IL1RAPL1: variants seen among roughly 807,000 people sequenced by gnomAD.
IL1RAPL1 encodes the protein interleukin 1 receptor accessory protein like 1, also known as interleukin-1 receptor accessory protein-like 1.
IL1RAPL1 carries 3 observed loss-of-function variants against 48.4 expected under a neutral mutation model. The ratio of observed to expected loss-of-function variants is 0.06; its 90% CI spans 0.03 to 0.16. The LOEUF is 0.16. IL1RAPL1 is among the 10% of genes least tolerant of loss of function. The pLI is 1.00. For synonymous variants in IL1RAPL1, 185 were observed against 187.7 expected (o/e 0.99, Z 0.12); for missense variants, 349 against 530.6 (o/e 0.66, Z 3.36).
At chrX:28,597,546 G>T (rs1205773050) in intron 1 of IL1RAPL1, among the ~76,000 whole-genome samples, 1 of 110,788 alleles carries the variant, frequency 9.0e-6, no homozygotes, top group Non-Finnish European at 1.9e-5. Flanking sequence ...AGCCTGACCA[G>T]CATGGTGAAA....
intron 6 of IL1RAPL1, among the ~76,000 whole-genome samples, chrX:29,759,382 A>C (rs1366442925): frequency 1.8e-5 from 2 of 111,536 alleles, no homozygotes; most frequent in Admixed American, 1.9e-4. Context: ...TGATAGTACA[A>C]ATACTCAAAT....
intron 1 of IL1RAPL1, among the ~76,000 whole-genome samples, chrX:28,617,010 T>C (rs1934228097): frequency 8.9e-6 from 1 of 112,520 alleles, no homozygotes; most frequent in Non-Finnish European, 1.9e-5. Context: ...CAAATTTGTG[T>C]TGCTTTCCTC....
Position 29,664,733 on chromosome X carries a change from C to T in IL1RAPL1, c.704-3697C>T, listed in dbSNP as rs940037307. Reference sequence around the variant, plus strand: ...GATAGTGTTTTACTTTTTACCGTTCCATAGCTCAAGTGTAAAAGGGATGGG... The same window carrying T: ...GATAGTGTTTTACTTTTTACCGTTCTATAGCTCAAGTGTAAAAGGGATGGG... On this transcript the variant is annotated intron_variant, in intron 5 of 10. Transcript: ENST00000378993. Among the ~76,000 whole-genome samples the T allele has an allele frequency of 5.4e-5, 6 of 111,595 alleles. 1 individual carries two copies. In the Admixed American group the frequency reaches 5.7e-4, roughly 11 times the overall value.
At chrX:29,292,233 A>G (rs1189822271) in intron 3 of IL1RAPL1, among the ~76,000 whole-genome samples, 6 of 112,113 alleles carry the variant, frequency 5.4e-5, no homozygotes, top group East Asian at 5.6e-4. Flanking sequence ...ATCATTTTCC[A>G]TAAGAAAATA....
intron 2 of IL1RAPL1, among the ~76,000 whole-genome samples, chrX:28,951,413 TAA>T (rs58992212): frequency 1.3e-4 from 12 of 90,561 alleles, no homozygotes; most frequent in East Asian, 3.5e-4. Flanking sequence ...TGATAAATGG[TAA>T]AAAAAAAAAA....
rs150731278 is a variant in IL1RAPL1 at position 28,772,516 on chromosome X, A to G, written c.-24-16804A>G. ...AGTGGCAGACTAGCTTTCCGCCAGGAAATGTGAGGGTATTTAGACCCCATC... is the reference window on the plus strand; with the variant it reads ...AGTGGCAGACTAGCTTTCCGCCAGGGAATGTGAGGGTATTTAGACCCCATC... On this transcript the variant is annotated intron_variant, in intron 1 of 10. Transcript: ENST00000378993. Among the ~76,000 whole-genome samples, 376 of 111,651 alleles carry G rather than the reference A, an allele frequency of 3.4e-3. 3 individuals are homozygous for G. The highest frequency in any genetic ancestry group is 0.011 in the African/African-American group (350 of 30,689).
intron 2 of IL1RAPL1, among the ~76,000 whole-genome samples, chrX:29,210,144 T>G (rs5943618): frequency 0.43 from 47,961 of 110,920 alleles, 9,924 homozygotes; most frequent in Non-Finnish European, 0.64. Context: ...CAACTTAGAG[T>G]TGTTTTGCTT....
chrX:29,337,973 C>T (rs1455084909), intron 3 of IL1RAPL1, among the ~76,000 whole-genome samples: 2 of 111,775 alleles, frequency 1.8e-5, no homozygotes, highest in Admixed American at 9.5e-5. Flanking sequence ...CTGCACCTGG[C>T]CGACAAATTT....
intron 1 of IL1RAPL1, among the ~76,000 whole-genome samples, chrX:28,741,041 TTC>T (rs1161253589): frequency 1.8e-5 from 2 of 112,069 alleles, no homozygotes; most frequent in African/African-American, 6.5e-5. Context: ...AATGTTTTTT[TTC>T]TTTTGGATAC....
intron 5 of IL1RAPL1, among the ~76,000 whole-genome samples, chrX:29,449,165 G>A (rs1437925865): frequency 2.7e-5 from 3 of 111,666 alleles, no homozygotes; most frequent in African/African-American, 3.3e-5. Flanking sequence ...TAAGGAAACC[G>A]CGATAGAGAT....
intron 6 of IL1RAPL1, among the ~76,000 whole-genome samples, chrX:29,872,799 A>G (rs1931825305): frequency 8.9e-6 from 1 of 112,617 alleles, no homozygotes; most frequent in African/African-American, 3.2e-5. Flanking sequence ...TCATTACAAA[A>G]TGCTCATCTC....
intron 2 of IL1RAPL1, among the ~76,000 whole-genome samples, chrX:29,245,526 GTGA>G (rs1302878560): frequency 8.9e-6 from 1 of 112,171 alleles, no homozygotes; most frequent in African/African-American, 3.2e-5. Flanking sequence ...CTAATGACCA[GTGA>G]TGATGAGCTT....
intron 2 of IL1RAPL1, among the ~76,000 whole-genome samples, chrX:29,054,601 C>T (rs1278154316): frequency 9.0e-6 from 1 of 110,560 alleles, no homozygotes; most frequent in East Asian, 2.8e-4. Flanking sequence ...TTCTAGGAAG[C>T]AAGACAAAGA....
intron 6 of IL1RAPL1, among the ~76,000 whole-genome samples, chrX:29,668,800 G>A (rs1926069387): frequency 9.0e-6 from 1 of 111,364 alleles, no homozygotes; most frequent in Admixed American, 9.6e-5. Flanking sequence ...GTTTGAATTG[G>A]TTTTCAAACA....
intron 2 of IL1RAPL1, among the ~76,000 whole-genome samples, chrX:29,260,614 G>T (rs1018120035): frequency 8.9e-6 from 1 of 111,733 alleles, no homozygotes; most frequent in African/African-American, 3.2e-5. Context: ...TTTGAGTGGG[G>T]ACACAGTCAA....
At chrX:29,356,845 A>G (rs1335231671) in intron 3 of IL1RAPL1, among the ~76,000 whole-genome samples, 3 of 111,859 alleles carry the variant, frequency 2.7e-5, no homozygotes. Flanking sequence ...ATTTTGCACC[A>G]GTCTGCACTC....
At chrX:29,181,262 G>A (rs1018998206) in intron 2 of IL1RAPL1, among the ~76,000 whole-genome samples, 20 of 111,086 alleles carry the variant, frequency 1.8e-4, no homozygotes, top group African/African-American at 6.5e-4. Flanking sequence ...CACACCATGT[G>A]TTCATTAATA....
chrX:28,924,553 C>T (rs766550511), intron 2 of IL1RAPL1, among the ~76,000 whole-genome samples: 15 of 111,448 alleles, frequency 1.3e-4, no homozygotes, highest in African/African-American at 4.9e-4. Context: ...CAGAAGTACC[C>T]GGAGGATCTT....
chrX:29,909,998 A>G (rs1932733215), intron 6 of IL1RAPL1, among the ~76,000 whole-genome samples: 1 of 111,760 alleles, frequency 8.9e-6, no homozygotes, highest in African/African-American at 3.3e-5. Flanking sequence ...CAGACATGGA[A>G]TCAACCTAGA....
Sources: allele counts gnomAD v4.1 joint callset (sites outside exome capture counted in the v4.1 genomes callset), GRCh38; gene constraint gnomAD v4.1.1; transcripts MANE v1.5; gene names NCBI Gene and HGNC (gene_info 2026-07-23, HGNC 2026-07-21).